Variants in CFAP61 observed in about 807,000 individuals in gnomAD.
The protein encoded by CFAP61 is cilia and flagella associated protein 61, also known as cilia- and flagella-associated protein 61.
CFAP61 carries 107 observed loss-of-function variants against 135.6 expected under a neutral mutation model. That is an observed-to-expected ratio of 0.79 (90% CI 0.67 to 0.93). CFAP61 has a LOEUF of 0.93. Ranked by LOEUF, CFAP61 falls within the 40% of genes least tolerant of loss-of-function variation. CFAP61 has a pLI of 0.00. For missense variants in CFAP61, 1,507 were observed against 1,556.2 expected, an observed-to-expected ratio of 0.97 and a Z score of 0.53; for synonymous variants, 575 against 578.5, an observed-to-expected ratio of 0.99 and a Z score of 0.09.
At chr20:20,351,365 G>C (rs2122437390) in intron 26 of CFAP61, among the ~76,000 whole-genome samples, 1 of 152,270 alleles carries the variant, frequency 6.6e-6, no homozygotes, top group African/African-American at 2.4e-5. Context: ...CAGATCACCT[G>C]AGGTCGGGAG....
At chr20:20,220,609 G>T (rs2048336644) in intron 17 of CFAP61, among the ~76,000 whole-genome samples, 1 of 152,170 alleles carries the variant, frequency 6.6e-6, no homozygotes, top group African/African-American at 2.4e-5. Context: ...CACCCTGCTG[G>T]TGTCAGAGAA....
In CFAP61 at chr20:20,164,124, G is replaced by A. The variant is rs771341262; in HGVS notation, c.1101G>A (p.Ser367=). Residue 367 remains serine (S), a synonymous_variant, in exon 11 of 27, where the codon TCG becomes TCA. Transcript: ENST00000245957. The stretch of plus-strand genomic sequence containing the variant: ...ATGTCAGCAGTAGGAGCTTGGCATC[G>A]CTCGTACTGCCTGAAGAGCCCGTCC... The part of the protein sequence containing the change: ...YHHVSSRSLA[S]LVLPEEPVHF... 3.7e-6 allele frequency: 6 copies of A among 1,613,800 alleles called. No individual in the cohort carries two copies. The highest frequency in any genetic ancestry group is 2.2e-5 in the East Asian group (1 of 44,874).
At chr20:20,187,850 T>C in intron 13 of CFAP61, 80 bp from the exon 14 acceptor site, 1 of 1,045,914 alleles carries the variant, frequency 9.6e-7, no homozygotes, top group Non-Finnish European at 1.5e-6. Context: ...ATAAGTGTGA[T>C]ATATTACAAT....
At chr20:20,102,023 G>A (rs1374624940) in intron 8 of CFAP61, among the ~76,000 whole-genome samples, 1 of 152,132 alleles carries the variant, frequency 6.6e-6, no homozygotes, top group African/African-American at 2.4e-5. Context: ...TTGTATGTGT[G>A]TGCTCCAAAC....
chr20:20,161,075 TCAGACA>T (rs2053359172), intron 10 of CFAP61, among the ~76,000 whole-genome samples: 1 of 152,162 alleles, frequency 6.6e-6, no homozygotes, highest in South Asian at 2.1e-4. Context: ...CTACTGACTC[TCAGACA>T]CTTAATTCAG....
intron 21 of CFAP61, among the ~76,000 whole-genome samples, chr20:20,274,420 G>A (rs2053587116): frequency 6.6e-6 from 1 of 152,198 alleles, no homozygotes; most frequent in Non-Finnish European, 1.5e-5. Flanking sequence ...CAGCACTTTG[G>A]GAAGCCAAGG....
intron 17 of CFAP61, among the ~76,000 whole-genome samples, chr20:20,223,887 A>G (rs762156355): frequency 2.6e-5 from 4 of 152,232 alleles, no homozygotes; most frequent in South Asian, 4.1e-4. Context: ...CTAAGTAGTT[A>G]TAATTACATC....
chr20:20,299,287 T>G (rs2055883734), intron 25 of CFAP61, among the ~76,000 whole-genome samples: 1 of 152,204 alleles, frequency 6.6e-6, no homozygotes, highest in Admixed American at 6.5e-5. Context: ...AGTCAGGAAG[T>G]CCCTCTCTGA....
chr20:20,311,199 C>T (rs558366749), intron 25 of CFAP61, among the ~76,000 whole-genome samples: 3 of 152,268 alleles, frequency 2.0e-5, no homozygotes, highest in African/African-American at 7.2e-5. Context: ...GCAAAACTAT[C>T]AAGAAGACTC....
intron 24 of CFAP61, among the ~76,000 whole-genome samples, chr20:20,294,835 G>A (rs1376883159): frequency 6.6e-6 from 1 of 151,076 alleles, no homozygotes; most frequent in Non-Finnish European, 1.5e-5. Flanking sequence ...GGCTGAGGCA[G>A]GAGAATGGCG....
chr20:20,263,481 TG>T (rs11478746), intron 21 of CFAP61, among the ~76,000 whole-genome samples: 76,702 of 151,538 alleles, frequency 0.51, 19,803 homozygotes, highest in Middle Eastern at 0.72. Flanking sequence ...TGTCTTCTTT[TG>T]TGAAACTGAA....
rs748604765 is a variant in CFAP61 at position 20,098,720 on chromosome 20, G to C, written c.765G>C (p.Glu255Asp). The change falls in exon 8 of 27, where the codon GAG (glutamate) becomes GAC (aspartate). Residue 255 changes from glutamate to aspartate, a missense_variant. Physicochemically the swap from Glu to Asp is conservative, Grantham distance 45. Transcript: ENST00000245957. The stretch of plus-strand genomic sequence containing the variant: ...GAGTGAACATGCAACTGCTGCATGA[G>C]TGCTTTGACTTGGGCCCTTTCCACG... ...CSRVNMQLLH[E>D]CFDLGPFHGL... 6.2e-7 allele frequency: 1 copy of C among 1,613,780 alleles called. No individual in the cohort carries two copies. The highest frequency in any genetic ancestry group is 2.2e-5 in the East Asian group (1 of 44,854).
chr20:20,339,074 T>G (rs2058342593), intron 25 of CFAP61, among the ~76,000 whole-genome samples: 1 of 152,152 alleles, frequency 6.6e-6, no homozygotes, highest in Admixed American at 6.5e-5. Flanking sequence ...GCAAAAATGA[T>G]TTTTGTGGCA....
At chr20:20,118,293 CTTTCTTTCTTTCT>C (rs1313207132) in intron 8 of CFAP61, among the ~76,000 whole-genome samples, 26 of 104,986 alleles carry the variant, frequency 2.5e-4, no homozygotes, top group African/African-American at 8.1e-4. Context: ...TTCTTTCTTT[CTTTCTTTCTTTCT>C]TTTCTTTCTT....
At chr20:20,340,506 A>G (rs2058398829) in intron 25 of CFAP61, among the ~76,000 whole-genome samples, 1 of 151,962 alleles carries the variant, frequency 6.6e-6, no homozygotes, top group Admixed American at 6.6e-5. Context: ...GGAAAGTGGG[A>G]CTTCACAGAA....
At position 20,289,459 on chromosome 20, in the gene CFAP61, G is replaced by A. The variant is rs551808484; in HGVS notation, c.3124+523G>A. On this transcript the variant is annotated intron_variant, in intron 23 of 26. Coordinates refer to ENST00000245957, the MANE Select transcript of CFAP61 (RefSeq NM_015585.4). ...CATGAGTAATGCAGGGTTCCTTCAC[G>A]TTTAGGGTATGAGAAATACCTTTGA... Among the ~76,000 whole-genome samples the A allele has an allele frequency of 3.3e-5, 5 of 152,288 alleles. No individual in the cohort carries two copies. In the Middle Eastern group the frequency reaches 0.01, roughly 311 times the overall value.
In CFAP61 at chr20:20,184,039, T is replaced by G. The variant is rs529604304; in HGVS notation, c.1386-3891T>G. Among the ~76,000 whole-genome samples the G allele has an allele frequency of 1.6e-4, 24 of 152,366 alleles. No homozygotes were observed. In the East Asian group the frequency reaches 4.6e-3, roughly 29 times the overall value. ...CGATGTTTGCAGTTTTGTGCTACTTTGCAGGAAGATAACCCCATGTCCTAC... is the reference window on the plus strand; with the variant it reads ...CGATGTTTGCAGTTTTGTGCTACTTGGCAGGAAGATAACCCCATGTCCTAC... On this transcript the variant is annotated intron_variant, in intron 13 of 26. Transcript: ENST00000245957.
intron 13 of CFAP61, among the ~76,000 whole-genome samples, chr20:20,172,973 C>G (rs1376142192): frequency 2.6e-5 from 4 of 152,234 alleles, no homozygotes; most frequent in Non-Finnish European, 1.5e-5. Context: ...CTGTCAACCA[C>G]TGATCTTTTT....
chr20:20,296,280 TCATCCCTTC>T (rs2055525049), intron 24 of CFAP61, among the ~76,000 whole-genome samples: 2 of 60,032 alleles, frequency 3.3e-5, no homozygotes, highest in Non-Finnish European at 6.2e-5. Context: ...CCCCCTTCCC[TCATCCCTTC>T]CCTCCTTCCC....
Sources: gnomAD v4.1 joint callset for allele counts (sites outside exome capture counted in the v4.1 genomes callset) on GRCh38, gnomAD v4.1.1 for gene constraint, MANE v1.5 for transcripts, NCBI Gene and HGNC (gene_info 2026-07-23, HGNC 2026-07-21) for gene names.